The following TOP1 variants were observed in gnomAD, a reference collection of about 807,000 sequenced individuals.
The protein encoded by TOP1 is DNA topoisomerase I.
In TOP1, 10 loss-of-function variants were observed where a neutral mutation model predicts 111.1. The ratio of observed to expected loss-of-function variants is 0.09; its 90% CI spans 0.06 to 0.15. TOP1 has a LOEUF of 0.15. Ranked by LOEUF, TOP1 falls within the 10% of genes least tolerant of loss-of-function variation. The probability of loss-of-function intolerance (pLI) is 1.00; values close to 1 mark genes in which losing one functional copy is unlikely to be tolerated. For missense variants in TOP1, 474 were observed against 926.7 expected, an observed-to-expected ratio of 0.51 and a Z score of 6.34; for synonymous variants, 271 against 302.9, an observed-to-expected ratio of 0.89 and a Z score of 1.10.
At chr20:41,085,185 A>G (rs942241893) in intron 8 of TOP1, among the ~76,000 whole-genome samples, 1 of 152,248 alleles carries the variant, frequency 6.6e-6, no homozygotes, top group African/African-American at 2.4e-5. Context: ...GGAATGATCT[A>G]ATCAGAATGT....
In TOP1 at chr20:41,116,819, T is replaced by C. The variant is rs1049803265; in HGVS notation, c.1822+427T>C. On this transcript the variant is annotated intron_variant, in intron 17 of 20. Coordinates refer to ENST00000361337, the MANE Select transcript of TOP1 (RefSeq NM_003286.4). This position sits in a 1 kb window ranked among gnomAD's most constrained non-coding sequence, Gnocchi z 5.6. ...TTTTCCCATAAGAGAGTAGATACTT[T>C]CTATAGCTGATTTTTAGAATATTAT... 5.9e-5 allele frequency among the ~76,000 whole-genome samples: 9 copies of C among 152,192 alleles called. No homozygotes were observed. Among genetic ancestry groups the C allele is most frequent in the African/African-American group, 1.7e-4 (7 of 41,456 alleles).
chr20:41,097,418 A>G lies in TOP1; in HGVS notation c.852+77A>G. The G allele has an allele frequency of 1.4e-6, 2 of 1,396,230 alleles. No homozygotes were observed. The highest frequency in any genetic ancestry group is 1.9e-6 in the Non-Finnish European group (2 of 1,036,772). The allele number at this position is 1,396,230 out of a possible 1,614,324, so 86.5% of individuals were successfully genotyped here. ...CTAAGTAATAAATTATCATTTTGCA[A>G]AACATTTCCTGATGTAAAATTTGAG... On this transcript the variant is annotated intron_variant, in intron 10 of 20. Transcript: ENST00000361337. The surrounding 1 kb of genome is among the most constrained non-coding windows in gnomAD (Gnocchi z 4.2).
At position 41,080,164 on chromosome 20, in the gene TOP1, C is replaced by A. The variant is rs745844456; in HGVS notation, c.415C>A (p.Pro139Thr). 1.2e-6 allele frequency: 2 copies of A among 1,600,300 alleles called. No individual in the cohort carries two copies. The highest frequency in any genetic ancestry group is 1.1e-5 in the South Asian group (1 of 89,324). The change falls in exon 6 of 21, where the codon CCT becomes ACT. Residue 139 changes from proline (P) to threonine (T), a missense_variant. Around this residue, in one of 14 missense-constraint regions of TOP1, gnomAD observed 185 missense variants for 226.3 expected, o/e 0.82. Transcript: ENST00000361337. The surrounding 1 kb of genome is among the most constrained non-coding windows in gnomAD (Gnocchi z 5.0). ...PKEDIKPLKR[P>T]RDEDDADYKP... Reference sequence around the variant, plus strand: ...AGAGGATATAAAGCCATTAAAGAGACCTCGAGATGAGGATGAGTGAGTATT... The same window carrying A: ...AGAGGATATAAAGCCATTAAAGAGAACTCGAGATGAGGATGAGTGAGTATT...
chr20:41,060,864 ATTG>A (rs1004522089), intron 2 of TOP1, among the ~76,000 whole-genome samples: 1 of 152,094 alleles, frequency 6.6e-6, no homozygotes, highest in African/African-American at 2.4e-5. Flanking sequence ...TTTTGGTTGT[ATTG>A]TTATTACTAT....
Position 41,100,115 on chromosome 20 carries a change from C to T in TOP1, c.1035C>T (p.Asn345=). 1.9e-6 allele frequency: 3 copies of T among 1,613,790 alleles called. No individual in the cohort carries two copies. Among genetic ancestry groups the T allele is most frequent in the Non-Finnish European group, 2.5e-6 (3 of 1,179,738 alleles). Residue 345 remains asparagine, a synonymous_variant, in exon 12 of 21, where the codon AAC becomes AAT. Transcript: ENST00000361337. The surrounding 1 kb of genome is among the most constrained non-coding windows in gnomAD (Gnocchi z 4.4). The part of the protein sequence containing the change: ...LKEYGFCIMD[N]HKERIANFKI... ...AATATGGATTCTGTATTATGGATAACCACAAAGAGAGGATTGCTAACTTCA... is the reference window on the plus strand; with the variant it reads ...AATATGGATTCTGTATTATGGATAATCACAAAGAGAGGATTGCTAACTTCA...
intron 13 of TOP1, among the ~76,000 whole-genome samples, chr20:41,111,483 T>A: frequency 6.6e-6 from 1 of 152,194 alleles, no homozygotes; most frequent in East Asian, 1.9e-4. Context: ...CTTAACTGTG[T>A]AAGCTTTTAA....
At chr20:41,087,862 G>A (rs1042860299) in intron 8 of TOP1, among the ~76,000 whole-genome samples, 7 of 152,080 alleles carry the variant, frequency 4.6e-5, no homozygotes, top group African/African-American at 1.7e-4. Flanking sequence ...TTATTAAATT[G>A]GTACTTGATT....
At position 41,079,794 on chromosome 20, in the gene TOP1, C is replaced by T. The variant is rs762202547; in HGVS notation, c.336-291C>T. ...CCTTAGGTTTATTTCTGGAGTGGTT[C>T]GTGCCATGCTGGCAAAGATAGCTAA... On this transcript the variant is annotated intron_variant, in intron 5 of 20. Coordinates refer to ENST00000361337, the MANE Select transcript of TOP1 (RefSeq NM_003286.4). The surrounding 1 kb of genome is among the most constrained non-coding windows in gnomAD (Gnocchi z 4.0). Among the ~76,000 whole-genome samples the T allele has an allele frequency of 3.6e-4, 54 of 152,102 alleles. No homozygotes were observed. Among genetic ancestry groups the T allele is most frequent in the Non-Finnish European group, 6.9e-4 (47 of 68,018 alleles).
chr20:41,089,037 T>G (rs1286752046), intron 8 of TOP1, among the ~76,000 whole-genome samples: 1 of 138,592 alleles, frequency 7.2e-6, no homozygotes, highest in Non-Finnish European at 1.5e-5. Flanking sequence ...TTTTTTTTTT[T>G]TTTTTGAGAC....
chr20:41,106,270 A>G lies in TOP1; in HGVS notation c.1308+4917A>G, dbSNP rs2034144103. On this transcript the variant is annotated intron_variant, in intron 13 of 20. Coordinates refer to ENST00000361337, the MANE Select transcript of TOP1 (RefSeq NM_003286.4). This position sits in a 1 kb window ranked among gnomAD's most constrained non-coding sequence, Gnocchi z 4.3. The stretch of plus-strand genomic sequence containing the variant: ...TCTGCATCAGTAGCATACTGTCTTA[A>G]CTACTGTAGCTTTATAAAGTCTATT... 6.6e-6 allele frequency among the ~76,000 whole-genome samples: 1 copy of G among 152,118 alleles called. No homozygotes were observed. The highest frequency in any genetic ancestry group is 1.5e-5 in the Non-Finnish European group (1 of 68,024).
At chr20:41,047,426 A>G (rs2033347905) in intron 2 of TOP1, among the ~76,000 whole-genome samples, 1 of 152,234 alleles carries the variant, frequency 6.6e-6, no homozygotes, top group Non-Finnish European at 1.5e-5. Flanking sequence ...GCTATACCAT[A>G]TAGCCTAGGC....
intron 3 of TOP1, among the ~76,000 whole-genome samples, chr20:41,062,848 A>G (rs2033562046): frequency 6.6e-6 from 1 of 152,226 alleles, no homozygotes; most frequent in South Asian, 2.1e-4. Flanking sequence ...AACAGTATCA[A>G]CCAACTTGAT....
chr20:41,108,601 T>TCCA (rs1356602236), intron 13 of TOP1, among the ~76,000 whole-genome samples: 4 of 152,208 alleles, frequency 2.6e-5, no homozygotes, highest in African/African-American at 7.2e-5. Context: ...TCTTTTTATG[T>TCCA]TCATCCCAGT....
intron 4 of TOP1, 49 bp from the exon 5 acceptor site, chr20:41,077,533 T>G: frequency 6.7e-7 from 1 of 1,491,544 alleles, no homozygotes; most frequent in South Asian, 1.1e-5. Context: ...AGAGGTTTCT[T>G]CAAATTTAGT....
In TOP1 at chr20:41,124,261, A is replaced by AT. The variant is rs1283135977; in HGVS notation, c.*970dup. 1 of 233,010 alleles carries AT rather than the reference A, an allele frequency of 4.3e-6. No homozygotes were observed. The highest frequency in any genetic ancestry group is 1.8e-4 in the South Asian group (1 of 5,530). 14.4% of individuals were successfully genotyped at this position (233,010 alleles called of 1,614,324 possible). ...AAATAATCAAGATTTTAGGGCTTTT[A>AT]TTTTTTCTTTTGTAATTGTGTAAAA... On this transcript the variant is annotated 3_prime_UTR_variant, in exon 21 of 21. Transcript: ENST00000361337. This position sits in a 1 kb window ranked among gnomAD's most constrained non-coding sequence, Gnocchi z 5.4.
chr20:41,110,056 G>A lies in TOP1; in HGVS notation c.1309-2726G>A, dbSNP rs2034209846. On this transcript the variant is annotated intron_variant, in intron 13 of 20. Coordinates refer to ENST00000361337, the MANE Select transcript of TOP1 (RefSeq NM_003286.4). This position sits in a 1 kb window ranked among gnomAD's most constrained non-coding sequence, Gnocchi z 4.2. ...AATCCAAGCACTCTGGGAGGCCAAG[G>A]CGGGTGGATCACTTCAGGTCAGGAG... 6.6e-6 allele frequency among the ~76,000 whole-genome samples: 1 copy of A among 152,210 alleles called. No individual in the cohort carries two copies. The highest frequency in any genetic ancestry group is 2.1e-4 in the South Asian group (1 of 4,832).
chr20:41,031,336 G>A (rs2033117138), intron 2 of TOP1, among the ~76,000 whole-genome samples: 1 of 152,204 alleles, frequency 6.6e-6, no homozygotes, highest in African/African-American at 2.4e-5. Context: ...TATGGAATGT[G>A]TTCTTTTGGC....
rs1347922542 is a variant in TOP1 at position 41,082,578 on chromosome 20, A to C, written c.507+1338A>C. On this transcript the variant is annotated intron_variant, in intron 7 of 20. Transcript: ENST00000361337. This position sits in a 1 kb window ranked among gnomAD's most constrained non-coding sequence, Gnocchi z 4.1. ...CTAATTCTGCAAGGAGGGAGAAGAAAGGTCTTTAATGAAATCATATGAAGA... is the reference window on the plus strand; with the variant it reads ...CTAATTCTGCAAGGAGGGAGAAGAACGGTCTTTAATGAAATCATATGAAGA... Among the ~76,000 whole-genome samples, 2 of 152,214 alleles carry C rather than the reference A, an allele frequency of 1.3e-5. No homozygotes were observed. Among genetic ancestry groups the C allele is most frequent in the African/African-American group, 2.4e-5 (1 of 41,450 alleles).
intron 2 of TOP1, among the ~76,000 whole-genome samples, chr20:41,049,052 G>A (rs1021383376): frequency 1.3e-5 from 2 of 152,188 alleles, no homozygotes; most frequent in African/African-American, 4.8e-5. Context: ...GAAGTGGCCT[G>A]GAAGAGAAAA....
Sources: gnomAD v4.1 joint callset for allele counts (sites outside exome capture counted in the v4.1 genomes callset) on GRCh38, gnomAD v4.1.1 for gene constraint, gnomAD v4.1.1 regional missense constraint, Gnocchi (gnomAD v3.1) non-coding constraint, MANE v1.5 for transcripts, NCBI Gene and HGNC (gene_info 2026-07-23, HGNC 2026-07-21) for gene names.